Variants in CCBE1 observed in about 807,000 individuals in gnomAD.
CCBE1 encodes the protein collagen and calcium-binding EGF domain-containing protein 1.
CCBE1 carries 37 observed loss-of-function variants against 50.0 expected under a neutral mutation model. The observed-to-expected ratio is 0.74, with a 90% CI of 0.57 to 0.97. CCBE1 has a LOEUF of 0.97. Among genes scored for constraint, CCBE1 ranks in the 50% least tolerant of loss-of-function variants. CCBE1 has a pLI of 0.00. For missense variants in CCBE1, 538 were observed against 523.8 expected (o/e 1.03, Z -0.26); for synonymous variants, 234 against 203.7 (o/e 1.15, Z -1.27).
At chr18:59,457,330 G>A (rs1483722683) in intron 5 of CCBE1, among the ~76,000 whole-genome samples, 1 of 152,182 alleles carries the variant, frequency 6.6e-6, no homozygotes, top group East Asian at 1.9e-4. Flanking sequence ...ATGGTAGAGT[G>A]AACTGATTAC....
chr18:59,639,081 G>A (rs184577094), intron 2 of CCBE1, among the ~76,000 whole-genome samples: 4 of 152,236 alleles, frequency 2.6e-5, no homozygotes, highest in African/African-American at 9.6e-5. Context: ...TGAGACCAGC[G>A]TGAGCAACAT....
chr18:59,543,732 G>A, intron 2 of CCBE1, among the ~76,000 whole-genome samples: 1 of 151,598 alleles, frequency 6.6e-6, no homozygotes. Flanking sequence ...CTATTCAGGA[G>A]GCTGAGGCAG....
Position 59,696,780 on chromosome 18 carries a change from A to T in CCBE1, c.132-71T>A, listed in dbSNP as rs552627162. ...GGAGGCGGGCAGCGCGCGCTGGGGAATCCCTGGCGCGTGGGGATCGCCAGG... is the reference window on the plus strand; with the variant it reads ...GGAGGCGGGCAGCGCGCGCTGGGGATTCCCTGGCGCGTGGGGATCGCCAGG... On this transcript the variant is annotated intron_variant, in intron 1 of 10. Transcript: ENST00000439986. The T allele has an allele frequency of 2.0e-6, 3 of 1,510,446 alleles. No individual in the cohort carries two copies. The South Asian group carries it at 3.4e-5, about 17-fold the overall frequency. The allele number at this position is 1,510,446 out of a possible 1,614,324, so 93.6% of individuals were successfully genotyped here.
At chr18:59,637,516 A>T (rs910548396) in intron 2 of CCBE1, among the ~76,000 whole-genome samples, 4 of 152,204 alleles carry the variant, frequency 2.6e-5, no homozygotes, top group African/African-American at 4.8e-5. Context: ...ACAGATAAAG[A>T]AGTAGCATAA....
chr18:59,630,535 T>C (rs902329638), intron 2 of CCBE1, among the ~76,000 whole-genome samples: 1 of 152,158 alleles, frequency 6.6e-6, no homozygotes, highest in East Asian at 1.9e-4. Context: ...AAAGGTCCCA[T>C]TGTGTCACTT....
intron 2 of CCBE1, among the ~76,000 whole-genome samples, chr18:59,652,648 G>C (rs192865962): frequency 8.9e-4 from 135 of 152,326 alleles, no homozygotes; most frequent in Non-Finnish European, 1.7e-3. Context: ...AGCCAAATGG[G>C]AAAGACATTT....
At chr18:59,447,145 A>G (rs905638929) in intron 7 of CCBE1, among the ~76,000 whole-genome samples, 4 of 152,234 alleles carry the variant, frequency 2.6e-5, no homozygotes, top group African/African-American at 9.6e-5. Flanking sequence ...AGTATACTGA[A>G]TGAAAGAAGC....
chr18:59,654,273 C>T (rs1277097423), intron 2 of CCBE1, among the ~76,000 whole-genome samples: 1 of 152,268 alleles, frequency 6.6e-6, no homozygotes, highest in Middle Eastern at 3.4e-3. Context: ...GAAACAAAAG[C>T]CTACCCAGCA....
chr18:59,646,452 G>A (rs576957783), intron 2 of CCBE1, among the ~76,000 whole-genome samples: 1 of 152,314 alleles, frequency 6.6e-6, no homozygotes, highest in East Asian at 1.9e-4. Context: ...CCATCTAGAG[G>A]AGCCATGGCT....
At chr18:59,500,494 G>GCAGGTT (rs1406897570) in intron 2 of CCBE1, among the ~76,000 whole-genome samples, 11 of 152,140 alleles carry the variant, frequency 7.2e-5, no homozygotes, top group African/African-American at 2.7e-4. Flanking sequence ...AAGCCTCCCA[G>GCAGGTT]CAGGTTCAGG....
In CCBE1 at chr18:59,434,268, A is replaced by G. The variant is rs1910056483; in HGVS notation, c.*1640T>C. ...TAAAAGGTGGAGGCAAAAAAGCCAA[A>G]AAGAAATGGGAAAGGACATGGCAGG... On this transcript the variant is annotated 3_prime_UTR_variant, in exon 11 of 11. Coordinates refer to ENST00000439986, the MANE Select transcript of CCBE1 (RefSeq NM_133459.4). 6.6e-6 allele frequency: 1 copy of G among 152,250 alleles called. No individual in the cohort carries two copies. Among genetic ancestry groups the G allele is most frequent in the South Asian group, 2.1e-4 (1 of 4,830 alleles). The allele number at this position is 152,250 out of a possible 1,614,324, so 9.4% of individuals were successfully genotyped here. A position where few individuals can be genotyped will look rare whatever the true frequency, so the allele number is the denominator to read the frequency against.
chr18:59,601,254 A>G (rs923648126), intron 2 of CCBE1, among the ~76,000 whole-genome samples: 4 of 151,646 alleles, frequency 2.6e-5, no homozygotes, highest in South Asian at 2.1e-4. Context: ...TCCACACTCA[A>G]ATCTCATCTT....
intron 2 of CCBE1, among the ~76,000 whole-genome samples, chr18:59,522,669 T>G (rs532328501): frequency 6.6e-6 from 1 of 152,244 alleles, no homozygotes; most frequent in East Asian, 1.9e-4. Flanking sequence ...ATATGCAGAT[T>G]CTCACAGTAG....
intron 2 of CCBE1, among the ~76,000 whole-genome samples, chr18:59,691,308 G>A (rs1481247693): frequency 6.6e-6 from 1 of 152,236 alleles, no homozygotes; most frequent in African/African-American, 2.4e-5. Flanking sequence ...CACAGGAGAG[G>A]AGAAGCTGCC....
chr18:59,693,003 C>CACACACAA (rs1278264661), intron 2 of CCBE1, among the ~76,000 whole-genome samples: 1 of 145,970 alleles, frequency 6.9e-6, no homozygotes, highest in African/African-American at 2.6e-5. Flanking sequence ...CACACACACA[C>CACACACAA]AAACAAAAAA....
upstream of CCBE1, chr18:59,697,506 T>TG (rs370449912): frequency 8.0e-5 from 73 of 918,188 alleles, no homozygotes; most frequent in African/African-American, 1.1e-3. Context: ...ATTATGGGGC[T>TG]GGGGGGAAAA....
chr18:59,693,234 T>C (rs1352199609), intron 2 of CCBE1, among the ~76,000 whole-genome samples: 1 of 152,062 alleles, frequency 6.6e-6, no homozygotes. Flanking sequence ...CTCAGTCCTC[T>C]CTGGAGTCCA....
intron 2 of CCBE1, among the ~76,000 whole-genome samples, chr18:59,498,698 T>G (rs1913471337): frequency 6.6e-6 from 1 of 152,252 alleles, no homozygotes; most frequent in Non-Finnish European, 1.5e-5. Context: ...TAATTCATTT[T>G]CCGTGCCTTG....
intron 2 of CCBE1, among the ~76,000 whole-genome samples, chr18:59,608,102 A>G (rs2053524669): frequency 6.6e-6 from 1 of 152,218 alleles, no homozygotes; most frequent in Admixed American, 6.5e-5. Flanking sequence ...CTTGGGTGAC[A>G]GAGTGAGACT....
Sources: gnomAD v4.1 joint callset for allele counts (sites outside exome capture counted in the v4.1 genomes callset) on GRCh38, gnomAD v4.1.1 for gene constraint, MANE v1.5 for transcripts, NCBI Gene and HGNC (gene_info 2026-07-23, HGNC 2026-07-21) for gene names.